The following CHRM3 variants were observed in gnomAD, a reference collection of about 807,000 sequenced individuals.
CHRM3 encodes the protein cholinergic receptor muscarinic 3.
Under a neutral mutation model 41.8 loss-of-function variants are expected in CHRM3, and 11 were observed. The observed-to-expected ratio is 0.26, with a 90% CI of 0.17 to 0.44. The LOEUF (loss-of-function observed/expected upper bound fraction) is 0.44. Ranked by LOEUF, CHRM3 falls within the 20% of genes least tolerant of loss-of-function variation. The pLI is 1.00. For missense variants in CHRM3, 571 were observed against 745.4 expected, an observed-to-expected ratio of 0.77 and a Z score of 2.72; for synonymous variants, 297 against 301.4, an observed-to-expected ratio of 0.99 and a Z score of 0.15.
chr1:239,686,598 C>T (rs989183657), intron 5 of CHRM3, among the ~76,000 whole-genome samples: 2 of 152,180 alleles, frequency 1.3e-5, no homozygotes, highest in African/African-American at 4.8e-5. Context: ...TTATCAATTT[C>T]ATTTATTGCT....
chr1:239,433,228 A>G (rs1021104212), intron 1 of CHRM3, among the ~76,000 whole-genome samples: 2 of 152,198 alleles, frequency 1.3e-5, no homozygotes, highest in African/African-American at 4.8e-5. Context: ...AGATTTTTAT[A>G]CTAAGAATCT....
At chr1:239,388,839 T>A (rs1415585860) in intron 1 of CHRM3, among the ~76,000 whole-genome samples, 1 of 152,222 alleles carries the variant, frequency 6.6e-6, no homozygotes, top group Non-Finnish European at 1.5e-5. Context: ...GAATAGTCTA[T>A]CTTTAGATTT....
At chr1:239,519,724 G>A (rs1418951390) in intron 2 of CHRM3, among the ~76,000 whole-genome samples, 2 of 145,602 alleles carry the variant, frequency 1.4e-5, no homozygotes, top group Non-Finnish European at 3.0e-5. Flanking sequence ...CCATTTTCAC[G>A]TGGTTAAAAA....
At chr1:239,403,981 G>GAA (rs1660210874) in intron 1 of CHRM3, among the ~76,000 whole-genome samples, 1 of 110,814 alleles carries the variant, frequency 9.0e-6, no homozygotes, top group African/African-American at 4.0e-5. Context: ...GAGGGGGAGA[G>GAA]AGAGAGAGAG....
intron 6 of CHRM3, among the ~76,000 whole-genome samples, chr1:239,906,731 C>T (rs1475511131): frequency 6.6e-6 from 1 of 152,128 alleles, no homozygotes; most frequent in Non-Finnish European, 1.5e-5. Context: ...TATCTAAATA[C>T]TAGAAATATT....
intron 1 of CHRM3, among the ~76,000 whole-genome samples, chr1:239,406,536 C>T (rs1490415905): frequency 6.6e-6 from 1 of 152,154 alleles, no homozygotes; most frequent in South Asian, 2.1e-4. Context: ...ATTAACATCG[C>T]CATTACTGAA....
chr1:239,846,193 C>T (rs1056207106), intron 6 of CHRM3, among the ~76,000 whole-genome samples: 16 of 151,836 alleles, frequency 1.1e-4, no homozygotes, highest in East Asian at 1.9e-4. Context: ...ATTTTCTTTC[C>T]GACATAGATG....
At chr1:239,668,914 C>T (rs1674083780) in intron 4 of CHRM3, among the ~76,000 whole-genome samples, 1 of 152,224 alleles carries the variant, frequency 6.6e-6, no homozygotes, top group African/African-American at 2.4e-5. Flanking sequence ...TTCCACTTTA[C>T]ACCGCACTAA....
intron 5 of CHRM3, among the ~76,000 whole-genome samples, chr1:239,767,952 C>A (rs1667354215): frequency 6.6e-6 from 1 of 152,030 alleles, no homozygotes; most frequent in Admixed American, 6.5e-5. Flanking sequence ...TTATAACAAG[C>A]CCCGGGTGAT....
intron 1 of CHRM3, among the ~76,000 whole-genome samples, chr1:239,409,159 G>A (rs1660876015): frequency 6.6e-6 from 1 of 152,084 alleles, no homozygotes. Flanking sequence ...TTATTGAGCA[G>A]CTGCCAAGGC....
chr1:239,634,546 TC>T (rs1670256222), intron 4 of CHRM3, among the ~76,000 whole-genome samples: 2 of 151,142 alleles, frequency 1.3e-5, no homozygotes, highest in African/African-American at 4.9e-5. Flanking sequence ...CATCTTCTTT[TC>T]TTTTTTTTTT....
chr1:239,519,045 A>G (rs1005170262), intron 2 of CHRM3, among the ~76,000 whole-genome samples: 4 of 152,060 alleles, frequency 2.6e-5, no homozygotes, highest in East Asian at 1.9e-4. Context: ...AAAAGTCTCT[A>G]TTTTTTTCAG....
In CHRM3 at chr1:239,908,840, G is replaced by T. The variant is rs200635440; in HGVS notation, c.1389G>T (p.Leu463=). 6.2e-7 allele frequency: 1 copy of T among 1,614,108 alleles called. No homozygotes were observed. Among genetic ancestry groups the T allele is most frequent in the Non-Finnish European group, 8.5e-7 (1 of 1,180,038 alleles). Reference sequence around the variant, plus strand: ...CTCTGTCCTTCAAGGAAGCCACTCTGGCCAAGAGGTTTGCTCTGAAGACCA... The same window carrying T: ...CTCTGTCCTTCAAGGAAGCCACTCTTGCCAAGAGGTTTGCTCTGAAGACCA... The part of the protein sequence containing the change: ...TLPLSFKEAT[L]AKRFALKTRS... The change falls in exon 7 of 7, where the codon CTG becomes CTT. Residue 463 remains leucine, a synonymous_variant. Transcript: ENST00000676153. This position sits in a 1 kb window ranked among gnomAD's most constrained non-coding sequence, Gnocchi z 7.2.
chr1:239,665,935 G>T (rs1340718817), intron 4 of CHRM3, among the ~76,000 whole-genome samples: 1 of 152,126 alleles, frequency 6.6e-6, no homozygotes, highest in African/African-American at 2.4e-5. Context: ...AATTTGGGTT[G>T]GTTCCAAGTC....
At chr1:239,809,832 G>A (rs1412925787) in intron 5 of CHRM3, among the ~76,000 whole-genome samples, 1 of 152,122 alleles carries the variant, frequency 6.6e-6, no homozygotes, top group Non-Finnish European at 1.5e-5. Context: ...CTTCACCAAA[G>A]TCTCCTTTTG....
At chr1:239,708,417 C>T (rs1159379684) in intron 5 of CHRM3, among the ~76,000 whole-genome samples, 1 of 152,188 alleles carries the variant, frequency 6.6e-6, no homozygotes, top group Non-Finnish European at 1.5e-5. Flanking sequence ...CTGTCTTTTG[C>T]ACAGTAGCTG....
At chr1:239,636,223 G>T (rs1386292984) in intron 4 of CHRM3, among the ~76,000 whole-genome samples, 1 of 152,184 alleles carries the variant, frequency 6.6e-6, no homozygotes, top group Admixed American at 6.5e-5. Context: ...TTATTGAACT[G>T]CAAAGAGCAA....
At chr1:239,759,155 GGGTTTTTTTTTTT>G (rs1267851423) in intron 5 of CHRM3, among the ~76,000 whole-genome samples, 3,564 of 135,450 alleles carry the variant, frequency 0.026, 205 homozygotes, top group African/African-American at 0.1. Context: ...TGAGCTTTAT[GGGTTTTTTTTTTT>G]GTTTTTTTTT....
intron 5 of CHRM3, among the ~76,000 whole-genome samples, chr1:239,776,994 G>A (rs748564695): frequency 2.6e-5 from 4 of 152,092 alleles, no homozygotes; most frequent in Non-Finnish European, 4.4e-5. Flanking sequence ...GGGATTATGG[G>A]AACTGCAGTT....
Sources: allele counts gnomAD v4.1 joint callset (sites outside exome capture counted in the v4.1 genomes callset), GRCh38; gene constraint gnomAD v4.1.1; non-coding constraint Gnocchi (gnomAD v3.1); transcripts MANE v1.5; gene names NCBI Gene and HGNC (gene_info 2026-07-23, HGNC 2026-07-21).